TNKS: variants seen among roughly 807,000 people sequenced by gnomAD.
The protein encoded by TNKS is tankyrase.
TNKS carries 72 observed loss-of-function variants against 135.8 expected under a neutral mutation model. The ratio of observed to expected loss-of-function variants is 0.53; its 90% CI spans 0.44 to 0.64. The LOEUF is 0.64. Among genes scored for constraint, TNKS ranks in the 30% least tolerant of loss-of-function variants. TNKS has a pLI of 0.00. For missense variants in TNKS, 1,769 were observed against 1,674.0 expected (o/e 1.06, Z -0.99); for synonymous variants, 849 against 649.3 (o/e 1.31, Z -4.68).
intron 25 of TNKS, 99 bp from the exon 26 acceptor site, chr8:9,770,007 G>T: frequency 1.9e-6 from 2 of 1,036,310 alleles, no homozygotes; most frequent in Non-Finnish European, 2.7e-6. Context: ...AAATTAGCTT[G>T]CCTTATGTTA....
At chr8:9,721,780 A>T (rs13269437) in intron 12 of TNKS, among the ~76,000 whole-genome samples, 106,479 of 151,920 alleles carry the variant, frequency 0.7, 37,864 homozygotes, top group Admixed American at 0.8. Context: ...TAGATCGGGC[A>T]TGGTGGCTGA....
At chr8:9,576,714 A>T in intron 1 of TNKS, among the ~76,000 whole-genome samples, 1 of 152,066 alleles carries the variant, frequency 6.6e-6, no homozygotes, top group East Asian at 1.9e-4. Context: ...TTCCAATTCA[A>T]CATGAGATTT....
In TNKS at chr8:9,735,506, A is replaced by T; in HGVS notation, c.2643+20A>T. ...TATGGGGTAAGCATACTAACATTAAAATCTAGAAAACTGACCGCACGCGGT... is the reference window on the plus strand; with the variant it reads ...TATGGGGTAAGCATACTAACATTAATATCTAGAAAACTGACCGCACGCGGT... On this transcript the variant is annotated intron_variant, in intron 17 of 26. Transcript: ENST00000310430. 2 of 1,603,970 alleles carry T rather than the reference A, an allele frequency of 1.2e-6. No homozygotes were observed. The highest frequency in any genetic ancestry group is 1.7e-6 in the Non-Finnish European group (2 of 1,170,772).
intron 3 of TNKS, among the ~76,000 whole-genome samples, chr8:9,654,381 AAC>A (rs1554460358): frequency 2.0e-5 from 3 of 152,196 alleles, no homozygotes; most frequent in East Asian, 1.9e-4. Context: ...TGTTAAAAAA[AAC>A]ATGCTTTTAC....
chr8:9,565,432 T>A (rs1466191425), intron 1 of TNKS, among the ~76,000 whole-genome samples: 2 of 152,242 alleles, frequency 1.3e-5, no homozygotes, highest in African/African-American at 4.8e-5. Flanking sequence ...TATTTTCTTT[T>A]AAAGTGAGGA....
intron 7 of TNKS, 52 bp downstream of exon 7, chr8:9,706,305 AC>A: frequency 7.6e-7 from 1 of 1,316,210 alleles, no homozygotes; most frequent in Non-Finnish European, 1.0e-6. Context: ...TTTTTTCTTT[AC>A]CTTGTCATGA....
At chr8:9,710,648 G>C (rs1804280189) in intron 11 of TNKS, among the ~76,000 whole-genome samples, 1 of 152,166 alleles carries the variant, frequency 6.6e-6, no homozygotes, top group South Asian at 2.1e-4. Flanking sequence ...TGTAATCCCA[G>C]CACTTTGGGA....
intron 3 of TNKS, among the ~76,000 whole-genome samples, chr8:9,659,201 C>T (rs1208668563): frequency 2.0e-5 from 3 of 152,124 alleles, no homozygotes; most frequent in African/African-American, 7.2e-5. Context: ...ACAAAGATAT[C>T]CAGGAGTTGA....
At chr8:9,766,112 A>G in intron 24 of TNKS, 127 bp from the exon 25 acceptor site, 1 of 817,000 alleles carries the variant, frequency 1.2e-6, no homozygotes. Flanking sequence ...AGACCTTCTT[A>G]GAAAATACTT....
chr8:9,731,814 G>C (rs1391150184), intron 14 of TNKS, among the ~76,000 whole-genome samples: 1 of 152,120 alleles, frequency 6.6e-6, no homozygotes, highest in East Asian at 1.9e-4. Context: ...TTGAGACAGA[G>C]TCTCGCTCTG....
chr8:9,762,108 G>T (rs542627614), intron 21 of TNKS, among the ~76,000 whole-genome samples: 8 of 152,242 alleles, frequency 5.3e-5, no homozygotes, highest in African/African-American at 1.9e-4. Flanking sequence ...TGCTAACATG[G>T]TTTTTTACAA....
chr8:9,755,086 C>G (rs1172470580), intron 20 of TNKS, among the ~76,000 whole-genome samples: 1 of 152,154 alleles, frequency 6.6e-6, no homozygotes, highest in Non-Finnish European at 1.5e-5. Flanking sequence ...TTCCAATTTA[C>G]TGATGAAAGT....
intron 1 of TNKS, among the ~76,000 whole-genome samples, chr8:9,578,747 A>G (rs1006712749): frequency 3.3e-5 from 5 of 152,172 alleles, no homozygotes; most frequent in Admixed American, 1.3e-4. Flanking sequence ...TTAAGATGCC[A>G]TTTTGTAACA....
At chr8:9,731,459 T>TTA (rs1805433631) in intron 14 of TNKS, among the ~76,000 whole-genome samples, 4 of 27,278 alleles carry the variant, frequency 1.5e-4, no homozygotes, top group African/African-American at 5.4e-4. Flanking sequence ...AAATTCCATC[T>TTA]CAAAAAAAAA....
intron 13 of TNKS, among the ~76,000 whole-genome samples, chr8:9,727,912 A>G (rs1358957666): frequency 6.6e-6 from 1 of 152,220 alleles, no homozygotes; most frequent in South Asian, 2.1e-4. Context: ...TCTTAAATCT[A>G]AAACTGTACA....
At chr8:9,578,867 C>T (rs565220790) in intron 1 of TNKS, among the ~76,000 whole-genome samples, 128 of 152,180 alleles carry the variant, frequency 8.4e-4, no homozygotes, top group African/African-American at 2.8e-3. Flanking sequence ...TATAAAAATG[C>T]GAATATTTGC....
chr8:9,643,439 C>T (rs1201330665), intron 3 of TNKS, among the ~76,000 whole-genome samples: 1 of 113,636 alleles, frequency 8.8e-6, no homozygotes, highest in Non-Finnish European at 1.9e-5. Flanking sequence ...ATGGCTTCTG[C>T]GATAATAGCA....
chr8:9,745,377 ATTTAT>A (rs2128824770), intron 17 of TNKS, among the ~76,000 whole-genome samples: 1 of 152,132 alleles, frequency 6.6e-6, no homozygotes, highest in South Asian at 2.1e-4. Flanking sequence ...TATGCTGCTT[ATTTAT>A]TTTATTTTTT....
chr8:9,688,865 T>C (rs1803132846), intron 5 of TNKS, among the ~76,000 whole-genome samples: 1 of 152,200 alleles, frequency 6.6e-6, no homozygotes, highest in African/African-American at 2.4e-5. Context: ...GGGCTGGAAG[T>C]CCTGACCTCA....
Sources: gnomAD v4.1 joint callset for allele counts (sites outside exome capture counted in the v4.1 genomes callset) on GRCh38, gnomAD v4.1.1 for gene constraint, MANE v1.5 for transcripts, NCBI Gene and HGNC (gene_info 2026-07-23, HGNC 2026-07-21) for gene names.